SESTD1: variants seen among roughly 807,000 people sequenced by gnomAD.
The protein encoded by SESTD1 is SEC14 and spectrin domain containing 1.
Under a neutral mutation model 101.7 loss-of-function variants are expected in SESTD1, and 43 were observed. The observed-to-expected ratio is 0.42, with a 90% CI of 0.33 to 0.55. The LOEUF (loss-of-function observed/expected upper bound fraction) is 0.55, where lower values mean the gene tolerates loss of function less well. SESTD1 is among the 20% of genes least tolerant of loss of function. The pLI, the probability that SESTD1 is intolerant of heterozygous loss-of-function variation, is 0.07. For synonymous variants in SESTD1, 283 were observed against 286.8 expected (o/e 0.99, Z 0.13); for missense variants, 647 against 815.1 (o/e 0.79, Z 2.51).
At chr2:179,234,877 G>C (rs954596006) in intron 1 of SESTD1, among the ~76,000 whole-genome samples, 1 of 151,850 alleles carries the variant, frequency 6.6e-6, no homozygotes, top group African/African-American at 2.4e-5. Context: ...GGAAGGCTGA[G>C]GTGGGAGGAT....
intron 1 of SESTD1, among the ~76,000 whole-genome samples, chr2:179,229,210 C>T (rs1392611633): frequency 5.9e-5 from 9 of 152,088 alleles, no homozygotes; most frequent in Non-Finnish European, 1.0e-4. Flanking sequence ...ACGGAAAAGA[C>T]GAGCATTTGA....
chr2:179,149,243 A>G, intron 7 of SESTD1, 54 bp downstream of exon 7: 2 of 1,260,150 alleles, frequency 1.6e-6, no homozygotes, highest in Non-Finnish European at 2.2e-6. Flanking sequence ...GATATCTTTT[A>G]TCAGAATAAT....
chr2:179,178,519 T>C (rs2046050825), intron 3 of SESTD1, among the ~76,000 whole-genome samples: 1 of 152,050 alleles, frequency 6.6e-6, no homozygotes, highest in Non-Finnish European at 1.5e-5. Flanking sequence ...ACACAATGAC[T>C]ATCTGTGGGC....
At chr2:179,143,828 A>G in intron 8 of SESTD1, 25 bp from the exon 9 acceptor site, 1 of 1,604,232 alleles carries the variant, frequency 6.2e-7, no homozygotes, top group African/African-American at 1.3e-5. Flanking sequence ...GATACTTGAA[A>G]TTAATATCTG....
At chr2:179,191,715 CA>C in intron 2 of SESTD1, 71 bp downstream of exon 2, 1 of 1,247,482 alleles carries the variant, frequency 8.0e-7, no homozygotes, top group Non-Finnish European at 1.1e-6. Flanking sequence ...ATGCATCTGT[CA>C]TACTTAACAA....
intron 8 of SESTD1, 112 bp from the exon 9 acceptor site, chr2:179,143,915 T>C: frequency 9.6e-7 from 1 of 1,039,670 alleles, no homozygotes; most frequent in African/African-American, 1.6e-5. Flanking sequence ...CCTACATATC[T>C]ACCAGGTTAT....
intron 9 of SESTD1, among the ~76,000 whole-genome samples, chr2:179,137,723 G>A (rs139225639): frequency 6.6e-6 from 1 of 152,260 alleles, no homozygotes; most frequent in East Asian, 1.9e-4. Context: ...AAATATCATG[G>A]TTATTACTTA....
In SESTD1 at chr2:179,215,996, G is replaced by A. The variant is rs1423584901; in HGVS notation, c.-25-24130C>T. ...TATTGATGAAACATAACTCAAAATA[G>A]TAAGAACTATATGACAAATGCACAG... is the stretch of plus-strand genomic sequence containing the variant. On this transcript the variant is annotated intron_variant, in intron 1 of 17. Transcript: ENST00000428443. 1.5e-5 allele frequency among the ~76,000 whole-genome samples: 2 copies of A among 134,152 alleles called. 1 individual carries two copies. The highest frequency in any genetic ancestry group is 3.2e-5 in the Non-Finnish European group (2 of 62,434). The allele number at this position is 134,152 out of a possible 152,430, so 88.0% of individuals were successfully genotyped here. A position where few individuals can be genotyped will look rare whatever the true frequency, so the allele number is the denominator to read the frequency against.
At chr2:179,215,217 G>C (rs2046704066) in intron 1 of SESTD1, among the ~76,000 whole-genome samples, 1 of 134,480 alleles carries the variant, frequency 7.4e-6, no homozygotes, top group Non-Finnish European at 1.6e-5. Context: ...TTTTTGAAAA[G>C]ATCAACAAAA....
intron 1 of SESTD1, among the ~76,000 whole-genome samples, chr2:179,198,547 A>C (rs1302932216): frequency 6.6e-6 from 1 of 152,080 alleles, no homozygotes; most frequent in African/African-American, 2.4e-5. Flanking sequence ...TTGACCACAT[A>C]CTTGGAAGTA....
At chr2:179,213,382 T>C (rs2046677116) in intron 1 of SESTD1, among the ~76,000 whole-genome samples, 1 of 134,046 alleles carries the variant, frequency 7.5e-6, no homozygotes, top group South Asian at 2.9e-4. Context: ...TTCGATCAAG[T>C]GGAAGAAAGG....
intron 9 of SESTD1, among the ~76,000 whole-genome samples, chr2:179,139,641 G>A (rs1437452651): frequency 6.6e-6 from 1 of 152,072 alleles, no homozygotes; most frequent in Non-Finnish European, 1.5e-5. Flanking sequence ...TTCAGGTCCT[G>A]CATACTGACA....
At chr2:179,218,335 G>C (rs2046755189) in intron 1 of SESTD1, among the ~76,000 whole-genome samples, 1 of 151,782 alleles carries the variant, frequency 6.6e-6, no homozygotes, top group South Asian at 2.1e-4. Flanking sequence ...GCTAAGAAAT[G>C]AAAGAATTAA....
At chr2:179,262,940 C>A (rs1427093612) in intron 1 of SESTD1, among the ~76,000 whole-genome samples, 1 of 152,194 alleles carries the variant, frequency 6.6e-6, no homozygotes, top group Non-Finnish European at 1.5e-5. Context: ...TCACTAGCTC[C>A]TAATCTCTTA....
At chr2:179,244,430 G>A (rs2047200934) in intron 1 of SESTD1, among the ~76,000 whole-genome samples, 1 of 151,634 alleles carries the variant, frequency 6.6e-6, no homozygotes, top group Non-Finnish European at 1.5e-5. Flanking sequence ...CTGCACTACA[G>A]CCTGGGAGAT....
At chr2:179,174,119 A>G (rs554242494) in intron 4 of SESTD1, among the ~76,000 whole-genome samples, 1 of 152,308 alleles carries the variant, frequency 6.6e-6, no homozygotes, top group Admixed American at 6.5e-5. Flanking sequence ...GTGGAAGATT[A>G]TTATTTCAAA....
chr2:179,228,325 A>T lies in SESTD1; in HGVS notation c.-26+36174T>A, dbSNP rs2046922287. Among the ~76,000 whole-genome samples the T allele has an allele frequency of 3.3e-5, 5 of 152,172 alleles. No homozygotes were observed. The South Asian group carries it at 1.0e-3, about 32-fold the overall frequency. On this transcript the variant is annotated intron_variant, in intron 1 of 17. Transcript: ENST00000428443. ...ATATTATACCTCTTACCTCGATTAC[A>T]CATTTCACATTTTGGGGAGTTATAT...
chr2:179,125,752 T>G (rs1180986621), intron 10 of SESTD1, among the ~76,000 whole-genome samples: 1 of 152,248 alleles, frequency 6.6e-6, no homozygotes, highest in East Asian at 1.9e-4. Context: ...TATGTTTTTT[T>G]CACTATCAGT....
chr2:179,154,764 G>A (rs1440624562), intron 5 of SESTD1, among the ~76,000 whole-genome samples: 3 of 152,056 alleles, frequency 2.0e-5, no homozygotes, highest in Non-Finnish European at 4.4e-5. Flanking sequence ...GAGAAGTTAA[G>A]ATTAAAAAGC....
Sources: gnomAD v4.1 joint callset for allele counts (sites outside exome capture counted in the v4.1 genomes callset) on GRCh38, gnomAD v4.1.1 for gene constraint, MANE v1.5 for transcripts, NCBI Gene and HGNC (gene_info 2026-07-23, HGNC 2026-07-21) for gene names.